SLC35F1: variants seen among roughly 807,000 people sequenced by gnomAD.
The protein encoded by SLC35F1 is chromosome 6 open reading frame 169.
SLC35F1 carries 14 observed loss-of-function variants against 48.7 expected under a neutral mutation model. That is an observed-to-expected ratio of 0.29 (90% CI 0.19 to 0.45). The LOEUF is 0.45. Ranked by LOEUF, SLC35F1 falls within the 20% of genes least tolerant of loss-of-function variation. The pLI is 1.00. For missense variants in SLC35F1, 404 were observed against 500.0 expected (o/e 0.81, Z 1.83); for synonymous variants, 190 against 202.2 (o/e 0.94, Z 0.51).
At chr6:118,304,228 T>C (rs1776286239) in intron 7 of SLC35F1, among the ~76,000 whole-genome samples, 1 of 152,106 alleles carries the variant, frequency 6.6e-6, no homozygotes, top group Non-Finnish European at 1.5e-5. Flanking sequence ...TATGTAATTA[T>C]GCATTATTAA....
intron 1 of SLC35F1, among the ~76,000 whole-genome samples, chr6:118,002,784 A>G (rs546272384): frequency 6.6e-6 from 1 of 151,872 alleles, no homozygotes; most frequent in African/African-American, 2.4e-5. Flanking sequence ...CCTGTCTGGA[A>G]GAAAAGGCAT....
intron 1 of SLC35F1, among the ~76,000 whole-genome samples, chr6:118,063,052 T>C (rs565040968): frequency 1.3e-5 from 2 of 152,278 alleles, no homozygotes; most frequent in African/African-American, 2.4e-5. Context: ...AGATTTGATG[T>C]CATGTGGTCA....
chr6:117,924,598 A>G (rs1223275173), intron 1 of SLC35F1, among the ~76,000 whole-genome samples: 1 of 145,592 alleles, frequency 6.9e-6, no homozygotes, highest in Non-Finnish European at 1.5e-5. Context: ...GTTGGCTTTT[A>G]AATTCCTGCT....
chr6:117,985,764 A>G (rs761621022), intron 1 of SLC35F1, among the ~76,000 whole-genome samples: 4 of 152,256 alleles, frequency 2.6e-5, no homozygotes, highest in Non-Finnish European at 4.4e-5. Context: ...AAATTAGTTC[A>G]TGTTTTTCTT....
chr6:118,201,518 C>A (rs2114536194), intron 2 of SLC35F1, among the ~76,000 whole-genome samples: 1 of 152,248 alleles, frequency 6.6e-6, no homozygotes, highest in South Asian at 2.1e-4. Flanking sequence ...TAGCCCTGAG[C>A]CTGTTACAAT....
At chr6:118,104,422 G>A (rs1773301650) in intron 1 of SLC35F1, among the ~76,000 whole-genome samples, 1 of 152,134 alleles carries the variant, frequency 6.6e-6, no homozygotes, top group Non-Finnish European at 1.5e-5. Flanking sequence ...GAGCTTATAA[G>A]ATTCTTATGG....
intron 1 of SLC35F1, among the ~76,000 whole-genome samples, chr6:118,137,007 C>A (rs944959398): frequency 6.6e-6 from 1 of 152,144 alleles, no homozygotes; most frequent in African/African-American, 2.4e-5. Flanking sequence ...AACCCACTCG[C>A]CTTTGATTTT....
At chr6:118,303,564 GATGCTTATCATGGTACTCT>G (rs1389508210) in intron 7 of SLC35F1, among the ~76,000 whole-genome samples, 6 of 152,140 alleles carry the variant, frequency 3.9e-5, no homozygotes, top group Non-Finnish European at 7.4e-5. Flanking sequence ...TTAGCATCAA[GATGCTTATCATGGTACTCT>G]ATGCTTATCG....
chr6:118,057,579 C>G (rs373414941), intron 1 of SLC35F1, among the ~76,000 whole-genome samples: 2 of 152,256 alleles, frequency 1.3e-5, no homozygotes. Context: ...ATTAATCTGG[C>G]TAAAACGCTA....
At chr6:118,101,594 A>G (rs1002501246) in intron 1 of SLC35F1, among the ~76,000 whole-genome samples, 3 of 152,182 alleles carry the variant, frequency 2.0e-5, no homozygotes, top group Non-Finnish European at 2.9e-5. Flanking sequence ...AAAAATAATG[A>G]GAAGTGGGAT....
chr6:118,082,141 C>CT (rs1268419977), intron 1 of SLC35F1, among the ~76,000 whole-genome samples: 2 of 152,178 alleles, frequency 1.3e-5, no homozygotes, highest in Admixed American at 6.5e-5. Flanking sequence ...GAGCCTCAAC[C>CT]TTTGAACATT....
intron 1 of SLC35F1, among the ~76,000 whole-genome samples, chr6:118,032,946 A>G (rs1772075513): frequency 6.6e-6 from 1 of 151,986 alleles, no homozygotes; most frequent in Admixed American, 6.6e-5. Flanking sequence ...AAATTTGTGC[A>G]TTTCTCTTGG....
chr6:117,940,706 T>A (rs1274514075), intron 1 of SLC35F1, among the ~76,000 whole-genome samples: 1 of 151,934 alleles, frequency 6.6e-6, no homozygotes, highest in East Asian at 1.9e-4. Flanking sequence ...TGTAGTACAG[T>A]GGCATAATCA....
intron 1 of SLC35F1, among the ~76,000 whole-genome samples, chr6:118,035,875 G>A (rs1772124254): frequency 2.0e-5 from 3 of 151,306 alleles, no homozygotes; most frequent in South Asian, 4.2e-4. Context: ...GTATTTTTTA[G>A]TAGAGACAGT....
intron 1 of SLC35F1, among the ~76,000 whole-genome samples, chr6:117,969,073 C>G (rs1776606742): frequency 6.6e-6 from 1 of 152,164 alleles, no homozygotes; most frequent in Admixed American, 6.5e-5. Context: ...ACTATATTAT[C>G]TACCCCATGT....
At chr6:118,245,291 T>G (rs1223315603) in intron 3 of SLC35F1, among the ~76,000 whole-genome samples, 1 of 152,166 alleles carries the variant, frequency 6.6e-6, no homozygotes, top group Non-Finnish European at 1.5e-5. Flanking sequence ...GTTTAAAAAC[T>G]CTCTTTGGAT....
chr6:117,937,583 A>G (rs926653565), intron 1 of SLC35F1, among the ~76,000 whole-genome samples: 7 of 152,180 alleles, frequency 4.6e-5, no homozygotes, highest in African/African-American at 1.7e-4. Flanking sequence ...ATCAAGAAAT[A>G]CTGTACCCAG....
At chr6:117,982,716 G>C (rs1399685141) in intron 1 of SLC35F1, among the ~76,000 whole-genome samples, 2 of 152,214 alleles carry the variant, frequency 1.3e-5, no homozygotes, top group Non-Finnish European at 2.9e-5. Context: ...CTTCTCAGAA[G>C]AGAGTGCAGT....
chr6:117,928,373 G>A (rs1307731879), intron 1 of SLC35F1, among the ~76,000 whole-genome samples: 1 of 152,076 alleles, frequency 6.6e-6, no homozygotes, highest in Non-Finnish European at 1.5e-5. Context: ...CAGAGCCTTG[G>A]CTTATAATTT....
Sources: allele counts gnomAD v4.1 joint callset (sites outside exome capture counted in the v4.1 genomes callset), GRCh38; gene constraint gnomAD v4.1.1; transcripts MANE v1.5; gene names NCBI Gene and HGNC (gene_info 2026-07-23, HGNC 2026-07-21).